Variants in OR8B2 observed in about 807,000 individuals in gnomAD.
OR8B2 encodes the protein olfactory receptor 8B2.
For synonymous variants in OR8B2, 98 were observed against 138.2 expected, an observed-to-expected ratio of 0.71 and a Z score of 2.04; for missense variants, 304 against 379.6, an observed-to-expected ratio of 0.80 and a Z score of 1.65.
the OR8B2 span, among the ~76,000 whole-genome samples, chr11:124,390,106 T>C: frequency 1.3e-5 from 2 of 152,056 alleles, no homozygotes; most frequent in Admixed American, 6.6e-5. Flanking sequence ...CCCTCTCAAG[T>C]AGAGGCTCCA....
upstream of OR8B2, among the ~76,000 whole-genome samples, chr11:124,385,488 ATGCG>A (rs928913916): frequency 1.8e-4 from 14 of 79,818 alleles, no homozygotes; most frequent in African/African-American, 4.8e-4. Context: ...GCAATTTAAC[ATGCG>A]TGTGTGTGTG....
At chr11:124,384,782 T>G (rs144765439), upstream of OR8B2, among the ~76,000 whole-genome samples, 138 of 152,262 alleles carry the variant, frequency 9.1e-4, no homozygotes, top group African/African-American at 3.2e-3. Flanking sequence ...CAGCCTAACT[T>G]GTTGTTGTAG....
chr11:124,391,832 T>C, the OR8B2 span, among the ~76,000 whole-genome samples: 2 of 151,472 alleles, frequency 1.3e-5, no homozygotes, highest in Admixed American at 6.6e-5. Context: ...TAGACCAATA[T>C]CCTTGATGAA....
chr11:124,389,845 T>C, the OR8B2 span, among the ~76,000 whole-genome samples: 58 of 152,218 alleles, frequency 3.8e-4, no homozygotes, highest in African/African-American at 1.3e-3. Context: ...GCCAGTAGTA[T>C]GCTATGCATT....
upstream of OR8B2, chr11:124,384,586 T>C (rs1217769451): frequency 6.7e-6 from 1 of 150,260 alleles, no homozygotes; most frequent in Non-Finnish European, 1.5e-5. Flanking sequence ...ATTTATAAAT[T>C]TGCCAAGAGG....
chr11:124,382,482 T>A lies in OR8B2; in HGVS notation c.862A>T (p.Ile288Phe). The A allele has an allele frequency of 1.2e-6, 2 of 1,614,022 alleles. No homozygotes were observed. Among genetic ancestry groups the A allele is most frequent in the South Asian group, 2.2e-5 (2 of 91,068 alleles). ...TNVVPMLNPL[I>F]YSLRNKDVKV... ...ACATCCTTGTTCCTCAAACTGTAGA[T>A]GAGGGGATTGAGCATGGGCACCACA... Residue 288 changes from isoleucine to phenylalanine, a missense_variant, in exon 2 of 2, where the codon ATC (isoleucine) becomes TTC (phenylalanine). Coordinates refer to ENST00000641451, the MANE Select transcript of OR8B2 (RefSeq NM_001005468.2).
Position 124,382,506 on chromosome 11 carries a change from C to T in OR8B2, c.838G>A (p.Val280Met), listed in dbSNP as rs1860608487. 3 of 1,613,884 alleles carry T rather than the reference C, an allele frequency of 1.9e-6. No individual in the cohort carries two copies. The highest frequency in any genetic ancestry group is 2.5e-6 in the Non-Finnish European group (3 of 1,179,984). The stretch of plus-strand genomic sequence containing the variant: ...ATGAGGGGATTGAGCATGGGCACCA[C>T]ATTAGTGTAGAAAACAGAAGAAACT... ...GKVSSVFYTNVVPMLNPLIYS... is the reference protein window; with the variant it reads ...GKVSSVFYTNMVPMLNPLIYS... Residue 280 changes from valine (V) to methionine (M), a missense_variant, in exon 2 of 2, where the codon GTG (valine) becomes ATG (methionine). Physicochemically the swap from Val to Met is conservative, Grantham distance 21. Coordinates refer to ENST00000641451, the MANE Select transcript of OR8B2 (RefSeq NM_001005468.2).
chr11:124,391,260 A>G, the OR8B2 span, among the ~76,000 whole-genome samples: 1 of 151,704 alleles, frequency 6.6e-6, no homozygotes, highest in African/African-American at 2.4e-5. Flanking sequence ...CAAGAAATAA[A>G]TCAGAGCAGA....
chr11:124,391,044 G>A, the OR8B2 span, among the ~76,000 whole-genome samples: 8 of 152,074 alleles, frequency 5.3e-5, no homozygotes, highest in South Asian at 2.1e-4. Flanking sequence ...TCAATTGACC[G>A]CGTGAGTGAG....
At chr11:124,394,571 T>G in the OR8B2 span, among the ~76,000 whole-genome samples, 1 of 152,154 alleles carries the variant, frequency 6.6e-6, no homozygotes, top group Non-Finnish European at 1.5e-5. Flanking sequence ...AGATTTCCTA[T>G]CAGAAAAGAT....
In OR8B2 at chr11:124,383,243, A is replaced by G. The variant is rs1339403265; in HGVS notation, c.101T>C (p.Ile34Thr). 1.2e-6 allele frequency: 2 copies of G among 1,614,012 alleles called. No individual in the cohort carries two copies. Among genetic ancestry groups the G allele is most frequent in the Admixed American group, 3.3e-5 (2 of 60,008 alleles). Residue 34 changes from isoleucine to threonine, a missense_variant, in exon 2 of 2, where the codon ATC becomes ACC. Coordinates refer to ENST00000641451, the MANE Select transcript of OR8B2 (RefSeq NM_001005468.2). ...RQPLFFLFLVIYIVTMVGNLG... is the reference protein window; with the variant it reads ...RQPLFFLFLVTYIVTMVGNLG... ...GTTGCCTACCATGGTGACAATGTAG[A>G]TCACTAGAAACAGGAAAAAGAGGGG...
chr11:124,392,308 A>C, the OR8B2 span, among the ~76,000 whole-genome samples: 11,504 of 98,674 alleles, frequency 0.12, 26 homozygotes, highest in African/African-American at 0.14. Flanking sequence ...AATTAGGAAA[A>C]GAGGAAGTCA....
the OR8B2 span, among the ~76,000 whole-genome samples, chr11:124,395,304 T>C: frequency 2.0e-5 from 3 of 151,832 alleles, no homozygotes; most frequent in African/African-American, 7.3e-5. Context: ...ACAAAAAAAC[T>C]TCAATTCAAC....
rs1860630161 is a variant in OR8B2, at chr11:124,383,124, A to G, written c.220T>C (p.Ser74Pro). The G allele has an allele frequency of 6.2e-7, 1 of 1,613,920 alleles. No individual in the cohort carries two copies. The highest frequency in any genetic ancestry group is 1.1e-5 in the South Asian group (1 of 91,078). The change falls in exon 2 of 2, where the codon TCC (serine) becomes CCC (proline). Residue 74 changes from serine (S) to proline (P), a missense_variant. Ser to Pro is a moderately conservative substitution (Grantham distance 74). Transcript: ENST00000641451. ...AGCATTTTGGGAGTGAAAACAGAGG[A>G]GTAACAGAGATCAATGAAGGAGAGA... is the stretch of plus-strand genomic sequence containing the variant. ...FNLSFIDLCY[S>P]SVFTPKMLMN...
the OR8B2 span, among the ~76,000 whole-genome samples, chr11:124,393,898 A>G: frequency 0.31 from 45,818 of 150,046 alleles, 7,121 homozygotes; most frequent in African/African-American, 0.39. Flanking sequence ...AATGTGGCAC[A>G]TGTACACCAT....
Position 124,382,813 on chromosome 11 carries a change from G to A in OR8B2, c.531C>T (p.Tyr177=). ...GGAGGAGGGGGAGTATGTCACACAAGTAATGGTTGATGATATTAGCACTGC... is the reference window on the plus strand; with the variant it reads ...GGAGGAGGGGGAGTATGTCACACAAATAATGGTTGATGATATTAGCACTGC... ...TFCSANIINH[Y]LCDILPLLQL... is the part of the protein sequence containing the mutation. Residue 177 remains tyrosine, a synonymous_variant, in exon 2 of 2, where the codon TAC becomes TAT. Coordinates refer to ENST00000641451, the MANE Select transcript of OR8B2 (RefSeq NM_001005468.2). The A allele has an allele frequency of 6.2e-7, 1 of 1,604,216 alleles. No homozygotes were observed. Among genetic ancestry groups the A allele is most frequent in the Non-Finnish European group, 8.5e-7 (1 of 1,172,048 alleles).
the OR8B2 span, chr11:124,396,330 G>A: frequency 8.3e-7 from 1 of 1,205,126 alleles, no homozygotes; most frequent in Non-Finnish European, 1.1e-6. Flanking sequence ...ACCATCTGTA[G>A]AAACAACAAA....
At chr11:124,385,518 G>GTGTGTC (rs764066189), upstream of OR8B2, among the ~76,000 whole-genome samples, 4 of 114,184 alleles carry the variant, frequency 3.5e-5, no homozygotes, top group South Asian at 1.1e-3. Flanking sequence ...GTGTGTGTGT[G>GTGTGTC]TGTGTCTGTG....
At chr11:124,397,062 C>T in the OR8B2 span, 16 of 1,613,804 alleles carry the variant, frequency 9.9e-6, no homozygotes, top group Non-Finnish European at 1.4e-5. Flanking sequence ...CTGAGTCATG[C>T]ACCCAACATA....
Sources: gnomAD v4.1 joint callset for allele counts (sites outside exome capture counted in the v4.1 genomes callset) on GRCh38, gnomAD v4.1.1 for gene constraint, MANE v1.5 for transcripts, NCBI Gene and HGNC (gene_info 2026-07-23, HGNC 2026-07-21) for gene names.